FER1L6: variants seen among roughly 807,000 people sequenced by gnomAD.
FER1L6 encodes the protein fer-1 like family member 6, also known as fer-1-like protein 6.
Under a neutral mutation model 219.2 loss-of-function variants are expected in FER1L6, and 177 were observed. The ratio of observed to expected loss-of-function variants is 0.81; its 90% confidence interval spans 0.71 to 0.91. The LOEUF is 0.91. Among genes scored for constraint, FER1L6 ranks in the 40% least tolerant of loss-of-function variants. FER1L6 has a pLI of 0.00. For missense variants in FER1L6, 2,153 were observed against 2,259.9 expected, an observed-to-expected ratio of 0.95 and a Z score of 0.96; for synonymous variants, 768 against 824.3, an observed-to-expected ratio of 0.93 and a Z score of 1.17.
At chr8:124,116,282 A>G (rs1456320789) in intron 39 of FER1L6, among the ~76,000 whole-genome samples, 1 of 152,234 alleles carries the variant, frequency 6.6e-6, no homozygotes, top group Non-Finnish European at 1.5e-5. Flanking sequence ...CATGCAAGTT[A>G]TAAAGTGCCA....
chr8:124,064,238 C>A, intron 25 of FER1L6, 109 bp from the exon 26 acceptor site: 1 of 862,042 alleles, frequency 1.2e-6, no homozygotes, highest in Non-Finnish European at 1.9e-6. Context: ...GAAATATTAG[C>A]AACCTGACGT....
chr8:124,113,501 C>G (rs1823105332), intron 39 of FER1L6, among the ~76,000 whole-genome samples: 1 of 152,130 alleles, frequency 6.6e-6, no homozygotes, highest in Non-Finnish European at 1.5e-5. Context: ...TAATGATTCC[C>G]TAATATAATC....
At chr8:124,070,342 C>A in intron 29 of FER1L6, 125 bp from the exon 30 acceptor site, 1 of 971,376 alleles carries the variant, frequency 1.0e-6, no homozygotes, top group South Asian at 1.6e-5. Flanking sequence ...GATAAATTAC[C>A]AGTGGCCTCA....
At chr8:124,023,381 T>C in intron 17 of FER1L6, 63 bp from the exon 18 acceptor site, 2 of 1,533,178 alleles carry the variant, frequency 1.3e-6, no homozygotes, top group East Asian at 2.3e-5. Flanking sequence ...GCAAGTGCCT[T>C]TGTTCAATGC....
chr8:123,998,316 TCTC>T (rs1817231012), intron 12 of FER1L6, among the ~76,000 whole-genome samples: 4 of 149,276 alleles, frequency 2.7e-5, no homozygotes, highest in African/African-American at 1.0e-4. Flanking sequence ...CCAAAAGAAT[TCTC>T]TTGATTAATA....
intron 1 of FER1L6, among the ~76,000 whole-genome samples, chr8:123,876,718 ATT>A (rs566241361): frequency 6.6e-6 from 1 of 150,998 alleles, no homozygotes; most frequent in Admixed American, 6.6e-5. Flanking sequence ...CTTTAATCTG[ATT>A]TTTTTTTCCA....
chr8:123,995,947 T>C (rs1817112177), intron 12 of FER1L6, among the ~76,000 whole-genome samples: 1 of 152,084 alleles, frequency 6.6e-6, no homozygotes, highest in Non-Finnish European at 1.5e-5. Context: ...ATATTGTTTA[T>C]ATGTGCTCAT....
rs760889136 is a variant in FER1L6, at chr8:124,039,903, G to A, written c.2486G>A (p.Arg829Lys). Residue 829 changes from arginine to lysine, a missense_variant, in exon 20 of 41, where the codon AGG (arginine) becomes AAG (lysine). Coordinates refer to ENST00000522917, the MANE Select transcript of FER1L6 (RefSeq NM_001039112.2). ...ACAGAACAGCATGTTTTTCAGCTGA[G>A]GGCTCACATGTACCAAGCCCGGGGC... ...LYQEQHVFQL[R>K]AHMYQARGLI... is the part of the protein sequence containing the mutation. 2 of 1,614,116 alleles carry A rather than the reference G, an allele frequency of 1.2e-6. No homozygotes were observed. The highest frequency in any genetic ancestry group is 1.7e-6 in the Non-Finnish European group (2 of 1,179,994).
intron 5 of FER1L6, 68 bp downstream of exon 5, chr8:123,966,358 T>C: frequency 6.3e-7 from 1 of 1,590,264 alleles, no homozygotes; most frequent in South Asian, 1.2e-5. Flanking sequence ...GCAGGATCCT[T>C]CAGTCAAACA....
At position 124,022,720 on chromosome 8, in the gene FER1L6, A is replaced by G. The variant is rs137970658; in HGVS notation, c.2134-724A>G. 2.4e-3 allele frequency among the ~76,000 whole-genome samples: 370 copies of G among 152,276 alleles called. 1 individual carries two copies. Among genetic ancestry groups the G allele is most frequent in the African/African-American group, 8.7e-3 (360 of 41,560 alleles). ...TGTTGTTTCATTTGAATATTCTGGA[A>G]ATGTTATCTGACTCTGAGCAGTGCT... On this transcript the variant is annotated intron_variant, in intron 17 of 40. Transcript: ENST00000522917.
intron 13 of FER1L6, among the ~76,000 whole-genome samples, chr8:124,008,727 A>G (rs1417775267): frequency 6.6e-6 from 1 of 152,230 alleles, no homozygotes; most frequent in Admixed American, 6.5e-5. Flanking sequence ...TTCACAATCT[A>G]TACATCTGAC....
At chr8:123,874,432 A>C (rs1369302798) in intron 1 of FER1L6, among the ~76,000 whole-genome samples, 1 of 152,204 alleles carries the variant, frequency 6.6e-6, no homozygotes, top group Non-Finnish European at 1.5e-5. Flanking sequence ...GAGTAAATGA[A>C]TCATGCATGT....
At chr8:124,062,244 C>T (rs1375862466) in intron 25 of FER1L6, among the ~76,000 whole-genome samples, 2 of 152,182 alleles carry the variant, frequency 1.3e-5, no homozygotes, top group East Asian at 3.9e-4. Context: ...AACATGCCTT[C>T]CTTGAATATG....
Position 123,857,583 on chromosome 8 carries a change from G to A in FER1L6, c.-8+5398G>A, listed in dbSNP as rs190693516. 2.0e-4 allele frequency among the ~76,000 whole-genome samples: 31 copies of A among 152,212 alleles called. No homozygotes were observed. The East Asian group carries it at 5.2e-3, about 26-fold the overall frequency. On this transcript the variant is annotated intron_variant, in intron 1 of 40. Transcript: ENST00000522917. ...GTTAAAACTTTTTCCTTCCCTCCCA[G>A]TTCAGTACTAACCTGTTAGGAATGC...
At chr8:123,906,293 G>C (rs1401271953) in intron 1 of FER1L6, among the ~76,000 whole-genome samples, 2 of 152,178 alleles carry the variant, frequency 1.3e-5, no homozygotes, top group African/African-American at 2.4e-5. Flanking sequence ...GGTGTAGTAA[G>C]AAGTATCTAG....
At chr8:124,104,356 T>A (rs963443100) in intron 39 of FER1L6, among the ~76,000 whole-genome samples, 2 of 151,938 alleles carry the variant, frequency 1.3e-5, no homozygotes, top group African/African-American at 4.8e-5. Flanking sequence ...CAGCTCAGAG[T>A]CCAGTGAGAG....
intron 1 of FER1L6, among the ~76,000 whole-genome samples, chr8:123,866,989 A>G (rs1486501691): frequency 6.6e-6 from 1 of 152,178 alleles, no homozygotes; most frequent in Non-Finnish European, 1.5e-5. Flanking sequence ...TATCAGATGT[A>G]TAGTTTGCAA....
intron 1 of FER1L6, among the ~76,000 whole-genome samples, chr8:123,866,146 G>T (rs1424807774): frequency 6.6e-6 from 1 of 151,986 alleles, no homozygotes; most frequent in Non-Finnish European, 1.5e-5. Context: ...TTTCTATGAG[G>T]TCGACTTTTT....
intron 1 of FER1L6, among the ~76,000 whole-genome samples, chr8:123,855,237 C>T (rs1264488706): frequency 6.6e-6 from 1 of 152,202 alleles, no homozygotes; most frequent in Admixed American, 6.5e-5. Flanking sequence ...GTGATGCGTG[C>T]TCTCAGTTCT....
Sources: gnomAD v4.1 joint callset for allele counts (sites outside exome capture counted in the v4.1 genomes callset) on GRCh38, gnomAD v4.1.1 for gene constraint, MANE v1.5 for transcripts, NCBI Gene and HGNC (gene_info 2026-07-23, HGNC 2026-07-21) for gene names.